Variants in BCAS3 observed in about 807,000 individuals in gnomAD.
The protein encoded by BCAS3 is BCAS3 microtubule associated cell migration factor, also known as BCAS4/BCAS3 fusion.
Under a neutral mutation model 116.1 loss-of-function variants are expected in BCAS3, and 53 were observed. The observed-to-expected ratio is 0.46, with a 90% CI of 0.37 to 0.57. The LOEUF is 0.57. Among genes scored for constraint, BCAS3 ranks in the 20% least tolerant of loss-of-function variants. The probability of loss-of-function intolerance (pLI) is 0.00; values close to 1 mark genes in which losing one functional copy is unlikely to be tolerated. For synonymous variants in BCAS3, 391 were observed against 408.2 expected, an observed-to-expected ratio of 0.96 and a Z score of 0.51; for missense variants, 917 against 1,165.4, an observed-to-expected ratio of 0.79 and a Z score of 3.10.
chr17:61,382,446 G>T (rs2059650162), intron 23 of BCAS3, among the ~76,000 whole-genome samples: 1 of 151,274 alleles, frequency 6.6e-6, no homozygotes, highest in Admixed American at 6.6e-5. Context: ...ATTTTTAGTA[G>T]AGATGGGGTT....
chr17:60,852,743 A>G (rs2053287062), intron 7 of BCAS3, among the ~76,000 whole-genome samples: 1 of 152,232 alleles, frequency 6.6e-6, no homozygotes, highest in African/African-American at 2.4e-5. Flanking sequence ...AATTAAAAAT[A>G]ACAATTGGAT....
At chr17:60,927,718 T>C (rs2145171521) in intron 13 of BCAS3, among the ~76,000 whole-genome samples, 1 of 152,280 alleles carries the variant, frequency 6.6e-6, no homozygotes, top group African/African-American at 2.4e-5. Context: ...TTGGAAATAA[T>C]CCTATATGGA....
intron 20 of BCAS3, among the ~76,000 whole-genome samples, 171 bp downstream of exon 20, chr17:61,075,191 C>T (rs2071847925): frequency 1.3e-5 from 2 of 151,980 alleles, no homozygotes; most frequent in Non-Finnish European, 2.9e-5. Flanking sequence ...TGCAGGTGTA[C>T]ATATACATAT....
At chr17:61,067,917 CT>C (rs1333848469) in intron 19 of BCAS3, among the ~76,000 whole-genome samples, 5 of 151,996 alleles carry the variant, frequency 3.3e-5, no homozygotes, top group Non-Finnish European at 7.4e-5. Flanking sequence ...CTCATCCTGC[CT>C]TTGCTCGTTG....
chr17:61,212,963 G>A (rs1483637073), intron 22 of BCAS3, among the ~76,000 whole-genome samples: 2 of 151,938 alleles, frequency 1.3e-5, no homozygotes, highest in Non-Finnish European at 2.9e-5. Flanking sequence ...CCCTTATTCA[G>A]TTAATACCTT....
intron 22 of BCAS3, among the ~76,000 whole-genome samples, chr17:61,252,731 T>A (rs2048461237): frequency 6.6e-6 from 1 of 152,126 alleles, no homozygotes; most frequent in African/African-American, 2.4e-5. Context: ...ATTGACCTGC[T>A]TACAACCATA....
intron 12 of BCAS3, among the ~76,000 whole-genome samples, chr17:60,918,469 T>A (rs2058890232): frequency 6.6e-6 from 1 of 152,184 alleles, no homozygotes; most frequent in Non-Finnish European, 1.5e-5. Context: ...CTACTAGCTG[T>A]TTTTAAATGT....
chr17:60,711,588 G>A (rs955207605), intron 5 of BCAS3, among the ~76,000 whole-genome samples: 2 of 152,010 alleles, frequency 1.3e-5, no homozygotes, highest in African/African-American at 4.8e-5. Context: ...ACTTGTTTTG[G>A]TTATAATTGG....
At position 60,961,066 on chromosome 17, in the gene BCAS3, T is replaced by G. The variant is rs2061390662; in HGVS notation, c.1221+13714T>G. Among the ~76,000 whole-genome samples, 1 of 152,108 alleles carries G rather than the reference T, an allele frequency of 6.6e-6. No individual in the cohort carries two copies. Among genetic ancestry groups the G allele is most frequent in the South Asian group, 2.1e-4 (1 of 4,826 alleles). ...ATTTTCCCAACCATGAAACTCCTCA[T>G]AGTAACATCTTTTTCTCCTTGGTAG... On this transcript the variant is annotated intron_variant, in intron 14 of 23. Transcript: ENST00000407086. This position sits in a 1 kb window ranked among gnomAD's most constrained non-coding sequence, Gnocchi z 4.8.
intron 15 of BCAS3, among the ~76,000 whole-genome samples, chr17:61,011,944 C>T (rs1189123183): frequency 6.6e-6 from 1 of 152,008 alleles, no homozygotes; most frequent in African/African-American, 2.4e-5. Flanking sequence ...ATTTTACTAA[C>T]TTCTGATGTT....
At chr17:61,299,192 C>T (rs1418647330) in intron 22 of BCAS3, among the ~76,000 whole-genome samples, 1 of 151,556 alleles carries the variant, frequency 6.6e-6, no homozygotes, top group Non-Finnish European at 1.5e-5. Flanking sequence ...ACCTGTAATC[C>T]CAGTACTTTG....
In BCAS3 at chr17:61,028,673, A is replaced by C. The variant is rs1170283679; in HGVS notation, c.1638-5993A>C. On this transcript the variant is annotated intron_variant, in intron 16 of 23. Transcript: ENST00000407086. The surrounding 1 kb of genome is among the most constrained non-coding windows in gnomAD (Gnocchi z 4.3). Reference sequence around the variant, plus strand: ...GTGCTCCTCACATTTAAGCAAAAGCACTTGTCAACCAGAAATGATTTGAGG... The same window carrying C: ...GTGCTCCTCACATTTAAGCAAAAGCCCTTGTCAACCAGAAATGATTTGAGG... Among the ~76,000 whole-genome samples, 1 of 151,944 alleles carries C rather than the reference A, an allele frequency of 6.6e-6. No individual in the cohort carries two copies. The highest frequency in any genetic ancestry group is 1.5e-5 in the Non-Finnish European group (1 of 67,834).
chr17:61,288,922 A>G (rs990096624), intron 22 of BCAS3, among the ~76,000 whole-genome samples: 1 of 152,240 alleles, frequency 6.6e-6, no homozygotes, highest in Admixed American at 6.5e-5. Context: ...GGGGTGGAGC[A>G]TGAAAACATG....
intron 8 of BCAS3, among the ~76,000 whole-genome samples, chr17:60,873,719 T>A (rs1352290308): frequency 2.6e-5 from 4 of 152,242 alleles, no homozygotes; most frequent in Admixed American, 2.0e-4. Flanking sequence ...AAATGACTTA[T>A]ATTTATGAGT....
chr17:61,234,171 A>G (rs111695838), intron 22 of BCAS3, among the ~76,000 whole-genome samples: 113 of 152,346 alleles, frequency 7.4e-4, no homozygotes, highest in African/African-American at 2.3e-3. Flanking sequence ...TGCATGGAGC[A>G]AGAATGCAGA....
At position 61,390,283 on chromosome 17, in the gene BCAS3, T is replaced by G. The variant is rs2060067994; in HGVS notation, c.2594-1694T>G. Reference sequence around the variant, plus strand: ...TCTTGGCTTTACCACCCTCTCCATCTCATGGCACGATGGCCTGTCCCCCCA... The same window carrying G: ...TCTTGGCTTTACCACCCTCTCCATCGCATGGCACGATGGCCTGTCCCCCCA... On this transcript the variant is annotated intron_variant, in intron 23 of 23. Coordinates refer to ENST00000407086, the MANE Select transcript of BCAS3 (RefSeq NM_017679.5). This position sits in a 1 kb window ranked among gnomAD's most constrained non-coding sequence, Gnocchi z 6.8. The G allele has an allele frequency of 6.6e-6, 1 of 152,242 alleles. No homozygotes were observed. Among genetic ancestry groups the G allele is most frequent in the Non-Finnish European group, 1.5e-5 (1 of 68,086 alleles). 9.4% of individuals were successfully genotyped at this position (152,242 alleles called of 1,614,324 possible).
At chr17:61,015,464 A>AT (rs1322564565) in intron 15 of BCAS3, among the ~76,000 whole-genome samples, 5 of 151,976 alleles carry the variant, frequency 3.3e-5, no homozygotes, top group East Asian at 1.9e-4. Context: ...AATTTTTGAT[A>AT]TTTTTTGTAG....
At chr17:61,190,113 A>G (rs1376544272) in intron 22 of BCAS3, among the ~76,000 whole-genome samples, 2 of 152,240 alleles carry the variant, frequency 1.3e-5, no homozygotes, top group East Asian at 1.9e-4. Context: ...GTGGTTCTCA[A>G]TGATGAGGAC....
intron 22 of BCAS3, among the ~76,000 whole-genome samples, chr17:61,169,750 A>G (rs1279575395): frequency 6.6e-6 from 1 of 152,232 alleles, no homozygotes; most frequent in African/African-American, 2.4e-5. Context: ...GTTGTTTTTA[A>G]GCCAAGAATA....
Sources: gnomAD v4.1 joint callset for allele counts (sites outside exome capture counted in the v4.1 genomes callset) on GRCh38, gnomAD v4.1.1 for gene constraint, Gnocchi (gnomAD v3.1) non-coding constraint, MANE v1.5 for transcripts, NCBI Gene and HGNC (gene_info 2026-07-23, HGNC 2026-07-21) for gene names.